PRDM1: variants seen among roughly 807,000 people sequenced by gnomAD.
PRDM1 encodes the protein PR domain zinc finger protein 1.
PRDM1 carries 13 observed loss-of-function variants against 62.8 expected under a neutral mutation model. The observed-to-expected ratio is 0.21, with a 90% CI of 0.13 to 0.33. The LOEUF (loss-of-function observed/expected upper bound fraction) is 0.33. Ranked by LOEUF, PRDM1 falls within the 10% of genes least tolerant of loss-of-function variation. The pLI is 1.00. For missense variants in PRDM1, 895 were observed against 1,058.8 expected (o/e 0.85, Z 2.15); for synonymous variants, 396 against 417.6 (o/e 0.95, Z 0.63).
At chr6:106,023,406 A>C (rs6568426) in intron 1 of PRDM1, among the ~76,000 whole-genome samples, 6,363 of 151,870 alleles carry the variant, frequency 0.042, 154 homozygotes, top group Non-Finnish European at 0.057. Flanking sequence ...CCCAGAAGGC[A>C]GAGGTTGCAG....
At chr6:106,080,785 G>C (rs1258096597) in intron 1 of PRDM1, among the ~76,000 whole-genome samples, 2 of 152,174 alleles carry the variant, frequency 1.3e-5, no homozygotes, top group East Asian at 1.9e-4. Flanking sequence ...GAGTTGTGGG[G>C]ATCCTGCCTG....
At chr6:106,020,182 C>A (rs893795354) in intron 1 of PRDM1, among the ~76,000 whole-genome samples, 755 of 101,756 alleles carry the variant, frequency 7.4e-3, no homozygotes, top group Admixed American at 8.9e-3. Flanking sequence ...GACTCTGTCT[C>A]AAAAAAAAAA....
At chr6:106,008,575 G>T (rs796813393) in intron 1 of PRDM1, among the ~76,000 whole-genome samples, 16 of 152,098 alleles carry the variant, frequency 1.1e-4, no homozygotes, top group Non-Finnish European at 2.1e-4. Flanking sequence ...TGGTACAGAG[G>T]ATATAGACAA....
chr6:106,046,260 G>A (rs1773073714), upstream of PRDM1: 1 of 152,252 alleles, frequency 6.6e-6, no homozygotes, highest in African/African-American at 2.4e-5. Context: ...GGGCTCCTGG[G>A]GGGAGGGGAG....
At position 106,108,168 on chromosome 6, in the gene PRDM1, G is replaced by C. The variant is rs1275091604; in HGVS notation, c.*682G>C. On this transcript the variant is annotated 3_prime_UTR_variant, in exon 7 of 7. Transcript: ENST00000369096. The stretch of plus-strand genomic sequence containing the variant: ...GGGGTATGTGTGCAGGATTACCCAA[G>C]AATAACTTAAGTAGAAGAAACAAGA... 4.3e-6 allele frequency: 1 copy of C among 233,470 alleles called. No individual in the cohort carries two copies. The highest frequency in any genetic ancestry group is 8.5e-6 in the Non-Finnish European group (1 of 117,930). The allele number at this position is 233,470 out of a possible 1,614,324, so 14.5% of individuals were successfully genotyped here.
At chr6:105,998,906 TATATATATATATATATATATATATATA>T (rs1283269406) in intron 1 of PRDM1, among the ~76,000 whole-genome samples, 573 of 5,500 alleles carry the variant, frequency 0.1, 10 homozygotes, top group African/African-American at 0.18. Flanking sequence ...TATATATATA[TATATATATATATATATATATATATATA>T]TTTTTTTTTT....
At chr6:106,049,684 C>CCA (rs534982498) in intron 1 of PRDM1, among the ~76,000 whole-genome samples, 7,400 of 151,016 alleles carry the variant, frequency 0.049, 184 homozygotes, top group Non-Finnish European at 0.06. Flanking sequence ...ATGCACATGG[C>CCA]CACACACACA....
chr6:106,100,392 A>C (rs1355718349), intron 4 of PRDM1: 5 of 152,370 alleles, frequency 3.3e-5, no homozygotes, highest in East Asian at 3.9e-4. Flanking sequence ...TAAATGCTGA[A>C]GTTTTTGTAA....
chr6:106,104,818 A>C lies in PRDM1; in HGVS notation c.665-7A>C. The C allele has an allele frequency of 6.3e-7, 1 of 1,598,894 alleles. No individual in the cohort carries two copies. On this transcript the variant is annotated splice_region_variant and splice_polypyrimidine_tract_variant and intron_variant, in intron 4 of 6. Transcript: ENST00000369096. Reference sequence around the variant, plus strand: ...TCTGTGTAATCGCCCCTTTTTCTTTATTTCAGCACAAACACAGAGCAGTCT... The same window carrying C: ...TCTGTGTAATCGCCCCTTTTTCTTTCTTTCAGCACAAACACAGAGCAGTCT...
intron 1 of PRDM1, among the ~76,000 whole-genome samples, chr6:106,039,407 C>T (rs1215966269): frequency 1.3e-5 from 2 of 152,176 alleles, no homozygotes; most frequent in Non-Finnish European, 2.9e-5. Context: ...AGAAAAGTGA[C>T]TCAATCCCTG....
At chr6:106,006,532 C>T (rs1772485784) in intron 1 of PRDM1, among the ~76,000 whole-genome samples, 2 of 151,860 alleles carry the variant, frequency 1.3e-5, no homozygotes, top group African/African-American at 4.8e-5. Context: ...GTAGAAGATA[C>T]TTTCTCTTTT....
chr6:106,086,617 T>C (rs1273642159), intron 1 of PRDM1, 22 bp downstream of exon 1: 1 of 1,541,684 alleles, frequency 6.5e-7, no homozygotes, highest in Non-Finnish European at 8.8e-7. Context: ...GAATTTTTTT[T>C]TTTTAATTCT....
intron 1 of PRDM1, among the ~76,000 whole-genome samples, chr6:106,017,032 C>A (rs1195300097): frequency 6.6e-6 from 1 of 152,152 alleles, no homozygotes; most frequent in Non-Finnish European, 1.5e-5. Flanking sequence ...ATGAACCATG[C>A]AGCCTAGAAA....
intron 1 of PRDM1, among the ~76,000 whole-genome samples, chr6:106,060,709 G>A (rs767684784): frequency 1.3e-4 from 20 of 152,042 alleles, no homozygotes; most frequent in Non-Finnish European, 1.9e-4. Flanking sequence ...CAGTAAAAAC[G>A]TGCTGGGAAG....
intron 3 of PRDM1, among the ~76,000 whole-genome samples, chr6:106,097,759 AC>A (rs1038325744): frequency 9.9e-5 from 15 of 152,226 alleles, no homozygotes; most frequent in African/African-American, 3.6e-4. Context: ...GAATCAACAT[AC>A]CCGTAGCTTT....
chr6:105,995,580 A>C (rs1772338706), intron 1 of PRDM1, among the ~76,000 whole-genome samples: 1 of 152,206 alleles, frequency 6.6e-6, no homozygotes, highest in African/African-American at 2.4e-5. Context: ...AATGGGAAAA[A>C]TAATAAAATG....
At chr6:106,049,193 G>T (rs974773081) in intron 1 of PRDM1, among the ~76,000 whole-genome samples, 1 of 152,166 alleles carries the variant, frequency 6.6e-6, no homozygotes, top group African/African-American at 2.4e-5. Flanking sequence ...ATGAGAGAGA[G>T]AACAGAGAGA....
rs935600458 is a variant in PRDM1, at chr6:106,006,429, T to C, written c.-67+12790T>C. Among the ~76,000 whole-genome samples the C allele has an allele frequency of 2.6e-5, 4 of 152,178 alleles. No individual in the cohort carries two copies. The East Asian group carries it at 7.7e-4, about 29-fold the overall frequency. On this transcript the variant is annotated intron_variant, in intron 1 of 6. Coordinates refer to the PRDM1 transcript ENST00000652320. ...TTGCAATTATGAGAATTTAATACAT[T>C]AGTCTCGTGGGGTGAACCTAAACTC...
intron 1 of PRDM1, among the ~76,000 whole-genome samples, chr6:106,011,347 A>G (rs1355952863): frequency 1.3e-5 from 2 of 152,158 alleles, no homozygotes; most frequent in Non-Finnish European, 2.9e-5. Flanking sequence ...GACTGCAGCT[A>G]TTGTAAACTT....
Sources: allele counts gnomAD v4.1 joint callset (sites outside exome capture counted in the v4.1 genomes callset), GRCh38; gene constraint gnomAD v4.1.1; transcripts MANE v1.5; gene names NCBI Gene and HGNC (gene_info 2026-07-23, HGNC 2026-07-21).